DGKB: variants seen among roughly 807,000 people sequenced by gnomAD.
DGKB encodes the protein 90 kDa diacylglycerol kinase.
Under a neutral mutation model 114.3 loss-of-function variants are expected in DGKB, and 67 were observed. The ratio of observed to expected loss-of-function variants is 0.59; its 90% CI spans 0.48 to 0.72. The LOEUF is 0.72. Among genes scored for constraint, DGKB ranks in the 30% least tolerant of loss-of-function variants. DGKB has a pLI of 0.00. For missense variants in DGKB, 907 were observed against 975.2 expected, an observed-to-expected ratio of 0.93 and a Z score of 0.93; for synonymous variants, 398 against 323.1, an observed-to-expected ratio of 1.23 and a Z score of -2.49.
chr7:14,638,067 T>C (rs923093345), intron 13 of DGKB, among the ~76,000 whole-genome samples: 20 of 152,124 alleles, frequency 1.3e-4, no homozygotes, highest in African/African-American at 4.1e-4. Context: ...GATTTTTAAA[T>C]ACAATTTAAT....
rs10280635 is a variant in DGKB at position 14,192,885 on chromosome 7, T to C, written c.2123-14734A>G. 7.8e-3 allele frequency among the ~76,000 whole-genome samples: 1,185 copies of C among 152,164 alleles called. 18 individuals carry two copies. The highest frequency in any genetic ancestry group is 0.027 in the African/African-American group (1,140 of 41,506). On this transcript the variant is annotated intron_variant, in intron 23 of 25. Coordinates refer to ENST00000402815, the MANE Select transcript of DGKB (RefSeq NM_001350709.2). ...ACCATCTAGGGGTGATGGGAAACAC[T>C]GACAGATCATCAGGTGTTAGATTCA... is the stretch of plus-strand genomic sequence containing the variant.
chr7:14,573,585 T>A (rs2128708197), intron 20 of DGKB, among the ~76,000 whole-genome samples: 1 of 152,166 alleles, frequency 6.6e-6, no homozygotes, highest in Admixed American at 6.5e-5. Context: ...TCTATATTTT[T>A]AGATTTCATA....
chr7:14,238,867 G>T (rs13225351), intron 23 of DGKB, among the ~76,000 whole-genome samples: 102,785 of 151,656 alleles, frequency 0.68, 35,943 homozygotes, highest in African/African-American at 0.86. Context: ...TGCTTTATAT[G>T]GGGTCTTACA....
intron 12 of DGKB, among the ~76,000 whole-genome samples, chr7:14,675,031 C>G (rs1173656353): frequency 6.6e-6 from 1 of 152,128 alleles, no homozygotes; most frequent in Admixed American, 6.6e-5. Context: ...CTCTGCTGCA[C>G]TATGGATGTC....
intron 9 of DGKB, among the ~76,000 whole-genome samples, chr7:14,691,359 T>G (rs1822831814): frequency 6.6e-6 from 1 of 152,164 alleles, no homozygotes; most frequent in South Asian, 2.1e-4. Flanking sequence ...AAGACAAGCT[T>G]CACAACAAAT....
chr7:14,254,897 A>G (rs978265795), intron 23 of DGKB, among the ~76,000 whole-genome samples: 1 of 152,192 alleles, frequency 6.6e-6, no homozygotes, highest in Admixed American at 6.5e-5. Context: ...GAGTATTCAC[A>G]AATTCGGATT....
At chr7:14,879,564 T>A (rs1853896754) in intron 1 of DGKB, among the ~76,000 whole-genome samples, 1 of 152,196 alleles carries the variant, frequency 6.6e-6, no homozygotes, top group Non-Finnish European at 1.5e-5. Flanking sequence ...TTAAAATATC[T>A]GAAATGACCT....
chr7:14,674,287 A>G (rs562509922), intron 12 of DGKB, among the ~76,000 whole-genome samples: 1 of 152,312 alleles, frequency 6.6e-6, no homozygotes, highest in African/African-American at 2.4e-5. Context: ...TAATTGTATT[A>G]GGCACTACTG....
At chr7:14,502,900 C>G (rs544249953) in intron 20 of DGKB, among the ~76,000 whole-genome samples, 263 of 152,154 alleles carry the variant, frequency 1.7e-3, no homozygotes, top group Admixed American at 2.7e-3. Flanking sequence ...CATTCACCTA[C>G]TCCTCTCATC....
At chr7:14,610,482 C>T (rs141898439) in intron 16 of DGKB, among the ~76,000 whole-genome samples, 2 of 152,028 alleles carry the variant, frequency 1.3e-5, no homozygotes, top group African/African-American at 4.8e-5. Context: ...GCACATGTAC[C>T]TCCTGTATCT....
intron 23 of DGKB, among the ~76,000 whole-genome samples, chr7:14,284,864 G>C (rs1414520264): frequency 1.7e-5 from 2 of 118,108 alleles, no homozygotes; most frequent in East Asian, 6.1e-4. Context: ...ACTGTTTTGG[G>C]GTGGGGGGAG....
intron 21 of DGKB, among the ~76,000 whole-genome samples, chr7:14,417,780 C>G (rs1416707873): frequency 6.6e-6 from 1 of 151,600 alleles, no homozygotes; most frequent in African/African-American, 2.4e-5. Context: ...CTCTGTAAAG[C>G]TTTCTGCTGT....
chr7:14,366,535 T>C (rs1310044587), intron 21 of DGKB, among the ~76,000 whole-genome samples: 1 of 152,152 alleles, frequency 6.6e-6, no homozygotes, highest in Non-Finnish European at 1.5e-5. Flanking sequence ...AACATGTGTA[T>C]GCGCATCCTA....
chr7:14,716,783 A>C (rs2128345081), intron 6 of DGKB, among the ~76,000 whole-genome samples: 1 of 152,300 alleles, frequency 6.6e-6, no homozygotes, highest in South Asian at 2.1e-4. Flanking sequence ...CAAACTTCGG[A>C]TGATTCTGAT....
chr7:14,471,447 A>G (rs1027171953), intron 21 of DGKB, among the ~76,000 whole-genome samples: 14 of 144,986 alleles, frequency 9.7e-5, no homozygotes, highest in Admixed American at 7.8e-4. Flanking sequence ...TTTAGTCTTC[A>G]GTTCAATACC....
intron 2 of DGKB, among the ~76,000 whole-genome samples, chr7:14,804,779 A>G (rs1180248871): frequency 6.6e-6 from 1 of 152,046 alleles, no homozygotes; most frequent in Admixed American, 6.6e-5. Context: ...ATTGTTTCCA[A>G]TATAGGCATT....
At chr7:14,405,733 G>C (rs148646472) in intron 21 of DGKB, among the ~76,000 whole-genome samples, 158 of 152,134 alleles carry the variant, frequency 1.0e-3, no homozygotes, top group African/African-American at 3.7e-3. Context: ...TTGTATGTGA[G>C]AGAGTAATGG....
intron 21 of DGKB, among the ~76,000 whole-genome samples, chr7:14,433,968 G>C (rs1377832843): frequency 2.6e-5 from 4 of 152,108 alleles, no homozygotes; most frequent in Non-Finnish European, 5.9e-5. Context: ...ACTATGACTT[G>C]TCACATGAGG....
rs538509815 is a variant in DGKB, at chr7:14,173,895, TAA to T, written c.2304+2942_2304+2943del. On this transcript the variant is annotated intron_variant, in intron 25 of 25. Transcript: ENST00000402815. Reference sequence around the variant, plus strand: ...AGTTTACAAGGGAAGAAAATTAATATAAGTTACATAAAATTTTTATTAATTTA... The same window carrying T: ...AGTTTACAAGGGAAGAAAATTAATATGTTACATAAAATTTTTATTAATTTA... 1.6e-4 allele frequency among the ~76,000 whole-genome samples: 25 copies of T among 152,282 alleles called. No homozygotes were observed. The East Asian group carries it at 1.7e-3, about 11-fold the overall frequency.
Sources: allele counts gnomAD v4.1 joint callset (sites outside exome capture counted in the v4.1 genomes callset), GRCh38; gene constraint gnomAD v4.1.1; transcripts MANE v1.5; gene names NCBI Gene and HGNC (gene_info 2026-07-23, HGNC 2026-07-21).